SYCP2: variants seen among roughly 807,000 people sequenced by gnomAD.
SYCP2 encodes the protein synaptonemal complex lateral element protein.
A neutral mutation model predicts 211.3 loss-of-function variants in SYCP2; 55 were observed. That is an observed-to-expected ratio of 0.26 (90% CI 0.21 to 0.33). The LOEUF (loss-of-function observed/expected upper bound fraction) is 0.33. Ranked by LOEUF, SYCP2 falls within the 10% of genes least tolerant of loss-of-function variation. The pLI is 1.00. For missense variants in SYCP2, 1,731 were observed against 1,752.0 expected (o/e 0.99, Z 0.21); for synonymous variants, 570 against 555.2 (o/e 1.03, Z -0.37).
intron 25 of SYCP2, 147 bp downstream of exon 25, chr20:59,886,557 CCTA>C (rs551150172): frequency 2.7e-4 from 137 of 503,144 alleles, no homozygotes; most frequent in African/African-American, 2.2e-3. Flanking sequence ...AATTTAAACA[CCTA>C]CTATTTATAA....
intron 15 of SYCP2, among the ~76,000 whole-genome samples, chr20:59,907,004 G>A (rs574911928): frequency 2.0e-5 from 3 of 152,224 alleles, no homozygotes; most frequent in South Asian, 2.1e-4. Flanking sequence ...ATTTGTAATA[G>A]TACTAGTCTG....
At chr20:59,903,957 G>T (rs1016250885) in intron 15 of SYCP2, among the ~76,000 whole-genome samples, 4 of 152,114 alleles carry the variant, frequency 2.6e-5, no homozygotes, top group African/African-American at 9.7e-5. Flanking sequence ...AAAGGTGTCA[G>T]AGAGCTGTAC....
intron 27 of SYCP2, 37 bp downstream of exon 27, chr20:59,882,058 T>G (rs1225701973): frequency 6.2e-7 from 1 of 1,607,730 alleles, no homozygotes; most frequent in South Asian, 1.1e-5. Context: ...TCTCTTCAAA[T>G]ATGAAGAAAA....
intron 23 of SYCP2, 65 bp downstream of exon 23, chr20:59,892,503 A>G: frequency 2.0e-6 from 3 of 1,527,028 alleles, no homozygotes; most frequent in Non-Finnish European, 2.6e-6. Context: ...ATTTGTTTTA[A>G]TACTTGTTAG....
intron 1 of SYCP2, 67 bp downstream of exon 1, chr20:59,933,502 C>A (rs1279615434): frequency 6.6e-6 from 1 of 152,150 alleles, no homozygotes; most frequent in Admixed American, 6.5e-5. Context: ...AAGGCCAAGC[C>A]GAAGCCCCAC....
At chr20:59,891,901 T>G in intron 24 of SYCP2, 89 bp downstream of exon 24, 2 of 1,139,608 alleles carry the variant, frequency 1.8e-6, no homozygotes, top group Non-Finnish European at 2.5e-6. Context: ...ATGTTAAATG[T>G]GTAGCAATTA....
chr20:59,865,984 T>G (rs2059324632), intron 41 of SYCP2, 119 bp from the exon 42 acceptor site: 1 of 460,046 alleles, frequency 2.2e-6, no homozygotes, highest in African/African-American at 2.0e-5. Context: ...CTATTTCTAT[T>G]ATTACAAATT....
intron 17 of SYCP2, among the ~76,000 whole-genome samples, 199 bp downstream of exon 17, chr20:59,900,541 ATATT>A (rs368771662): frequency 4.7e-4 from 72 of 152,252 alleles, no homozygotes; most frequent in African/African-American, 1.6e-3. Context: ...TACTAAACTG[ATATT>A]TATTAATAAC....
Position 59,895,516 on chromosome 20 carries a change from G to C in SYCP2, c.1586C>G (p.Ser529Ter). 1 of 1,613,018 alleles carries C rather than the reference G, an allele frequency of 6.2e-7. No homozygotes were observed. The highest frequency in any genetic ancestry group is 8.5e-7 in the Non-Finnish European group (1 of 1,179,310). Residue 529 changes from serine (S) to a stop codon, truncating the protein, a stop_gained, in exon 20 of 45, where the codon TCA becomes TGA. Transcript: ENST00000357552. LOFTEE classifies it high-confidence loss of function. The part of the protein sequence containing the change: ...SAEKPSVSQT[S>*]ENRVDNAASL... Reference sequence around the variant, plus strand: ...TGCAGCATTATCCACTCTATTTTCTGATGTTTGAGAAACACTAGGTTTCTC... The same window carrying C: ...TGCAGCATTATCCACTCTATTTTCTCATGTTTGAGAAACACTAGGTTTCTC...
At chr20:59,879,231 G>A (rs1423983421) in intron 31 of SYCP2, among the ~76,000 whole-genome samples, 1 of 151,932 alleles carries the variant, frequency 6.6e-6, no homozygotes, top group Non-Finnish European at 1.5e-5. Context: ...CCATAAATAT[G>A]ATCTATGTAC....
Position 59,895,573 on chromosome 20 carries a change from A to T in SYCP2, c.1529T>A (p.Ile510Asn), listed in dbSNP as rs745842258. ...GCTCGTCATTTGCAGTGGTGGTTTA[A>T]TTCTTCTTCTTCGTGGTGGTATTGC... is the stretch of plus-strand genomic sequence containing the variant. ...NTSIPPRRRR[I>N]KPPLQMTSSA... is the part of the protein sequence containing the mutation. The change falls in exon 20 of 45, where the codon ATT becomes AAT. Residue 510 changes from isoleucine (I) to asparagine (N), a missense_variant. Around this residue, in one of 3 missense-constraint regions of SYCP2, gnomAD observed 1,387 missense variants for 1,351.3 expected, o/e 1.03. Coordinates refer to ENST00000357552, the MANE Select transcript of SYCP2 (RefSeq NM_014258.4). 6.2e-7 allele frequency: 1 copy of T among 1,613,138 alleles called. No individual in the cohort carries two copies. Among genetic ancestry groups the T allele is most frequent in the East Asian group, 2.2e-5 (1 of 44,810 alleles).
intron 39 of SYCP2, among the ~76,000 whole-genome samples, chr20:59,867,027 A>G (rs1374998243): frequency 6.9e-6 from 1 of 144,750 alleles, no homozygotes; most frequent in Non-Finnish European, 1.5e-5. Context: ...AAAAAAAAAA[A>G]AAAAAAAAGA....
chr20:59,872,272 C>T (rs2059466681), intron 35 of SYCP2, among the ~76,000 whole-genome samples: 2 of 151,888 alleles, frequency 1.3e-5, no homozygotes, highest in Non-Finnish European at 2.9e-5. Flanking sequence ...TGTGTGGTGC[C>T]ATGAAATCTC....
chr20:59,918,163 GCTGTCCTCAAC>G (rs2060476994), intron 7 of SYCP2, among the ~76,000 whole-genome samples: 1 of 152,136 alleles, frequency 6.6e-6, no homozygotes, highest in Non-Finnish European at 1.5e-5. Context: ...CTGAACAAGA[GCTGTCCTCAAC>G]CTTTATTGCT....
At chr20:59,882,061 G>C in intron 27 of SYCP2, 34 bp downstream of exon 27, 1 of 1,606,604 alleles carries the variant, frequency 6.2e-7, no homozygotes, top group South Asian at 1.1e-5. Flanking sequence ...CTTCAAATAT[G>C]AAGAAAATGA....
At chr20:59,873,810 C>A (rs369714566) in intron 35 of SYCP2, 46 bp downstream of exon 35, 140 of 1,446,580 alleles carry the variant, frequency 9.7e-5, no homozygotes, top group Middle Eastern at 3.9e-4. Context: ...TAACTTACTA[C>A]CTTCAGATAT....
Position 59,913,975 on chromosome 20 carries a change from CTTCTT to C in SYCP2, c.825_829del (p.Arg276GlyfsTer12). 1 of 1,594,390 alleles carries C rather than the reference CTTCTT, an allele frequency of 6.3e-7. No homozygotes were observed. Among genetic ancestry groups the C allele is most frequent in the Non-Finnish European group, 8.5e-7 (1 of 1,171,574 alleles). On this transcript the variant is annotated frameshift_variant and splice_region_variant, in exon 12 of 45. Coordinates refer to ENST00000357552, the MANE Select transcript of SYCP2 (RefSeq NM_014258.4). LOFTEE classifies it high-confidence loss of function. ...TGGTTGTATCTTGCATTAAGTTTACCTTCTTTTGTCTCCAAGCATGCCATTTACAA... is the reference window on the plus strand; with the variant it reads ...TGGTTGTATCTTGCATTAAGTTTACCTTGTCTCCAAGCATGCCATTTACAA...
intron 31 of SYCP2, among the ~76,000 whole-genome samples, chr20:59,879,850 TATATATATATATAC>T (rs1568922041): frequency 2.7e-3 from 269 of 99,074 alleles, no homozygotes; most frequent in Middle Eastern, 5.1e-3. Context: ...TATATATATA[TATATATATATATAC>T]ACACACACAC....
chr20:59,925,756 C>T (rs2060622797), intron 2 of SYCP2, among the ~76,000 whole-genome samples: 1 of 152,114 alleles, frequency 6.6e-6, no homozygotes, highest in Non-Finnish European at 1.5e-5. Context: ...CCTCATCAAA[C>T]AGAGGATTAC....
Sources: allele counts gnomAD v4.1 joint callset (sites outside exome capture counted in the v4.1 genomes callset), GRCh38; gene constraint gnomAD v4.1.1; regional missense constraint gnomAD v4.1.1; transcripts MANE v1.5; gene names NCBI Gene and HGNC (gene_info 2026-07-23, HGNC 2026-07-21).